The following S100P variants were observed in gnomAD, a reference collection of about 807,000 sequenced individuals.
The protein encoded by S100P is S100 calcium binding protein P, also known as protein S100-P.
S100P carries 7 observed loss-of-function variants against 4.7 expected under a neutral mutation model. The observed-to-expected ratio is 1.48, with a 90% CI of 0.84 to 2.77. The LOEUF is 2.77. Ranked by LOEUF, S100P falls within the 30% of genes most tolerant of loss-of-function variation. The pLI is 0.00. For synonymous variants in S100P, 48 were observed against 49.0 expected (o/e 0.98, Z 0.08); for missense variants, 122 against 120.6 (o/e 1.01, Z -0.06).
chr4:6,695,568 C>T (rs1714353539), intron 1 of S100P, among the ~76,000 whole-genome samples: 1 of 152,198 alleles, frequency 6.6e-6, no homozygotes, highest in African/African-American at 2.4e-5. Context: ...TGATAATGAT[C>T]AAAGTATGAG....
chr4:6,693,999 G>A lies in S100P; in HGVS notation c.67G>A (p.Gly23Ser). The A allele has an allele frequency of 6.2e-7, 1 of 1,614,110 alleles. No homozygotes were observed. Among genetic ancestry groups the A allele is most frequent in the Non-Finnish European group, 8.5e-7 (1 of 1,180,014 alleles). Residue 23 changes from glycine to serine, a missense_variant, in exon 1 of 2, where the codon GGC (glycine) becomes AGC (serine). By Grantham distance (56) the Gly-to-Ser change is moderately conservative. Transcript: ENST00000296370. ...CTTTTCCCGATATTCGGGCAGCGAG[G>A]GCAGCACGCAGACCCTGACCAAGGG... is the stretch of plus-strand genomic sequence containing the variant. ...DVFSRYSGSE[G>S]STQTLTKGEL...
chr4:6,694,262 A>C (rs1714316186), intron 1 of S100P, among the ~76,000 whole-genome samples, 192 bp downstream of exon 1: 1 of 152,204 alleles, frequency 6.6e-6, no homozygotes, highest in Admixed American at 6.5e-5. Context: ...GGGAGGCGGG[A>C]GCATCTGAGC....
chr4:6,696,970 T>G lies in S100P; in HGVS notation c.216T>G (p.Ser72Arg), dbSNP rs1212699921. 5 of 1,613,768 alleles carry G rather than the reference T, an allele frequency of 3.1e-6. No individual in the cohort carries two copies. The highest frequency in any genetic ancestry group is 4.2e-6 in the Non-Finnish European group (5 of 1,179,740). Residue 72 changes from serine (S) to arginine (R), a missense_variant, in exon 2 of 2, where the codon AGT (serine) becomes AGG (arginine). Transcript: ENST00000296370. Reference protein sequence around the residue: ...DANGDAQVDFSEFIVFVAAIT... With the variant: ...DANGDAQVDFREFIVFVAAIT... Reference sequence around the variant, plus strand: ...ATGGAGATGCCCAGGTGGACTTCAGTGAGTTCATAGTGTTCGTGGCTGCAA... The same window carrying G: ...ATGGAGATGCCCAGGTGGACTTCAGGGAGTTCATAGTGTTCGTGGCTGCAA...
At chr4:6,696,591 T>C (rs1714376903) in intron 1 of S100P, among the ~76,000 whole-genome samples, 1 of 152,224 alleles carries the variant, frequency 6.6e-6, no homozygotes, top group Non-Finnish European at 1.5e-5. Context: ...TAAAGCACTT[T>C]ACAAATCCAA....
rs1468679670 is a variant in S100P, at chr4:6,697,041, G to C, written c.287G>C (p.Ter96SerextTer27). 6.2e-7 allele frequency: 1 copy of C among 1,611,514 alleles called. No individual in the cohort carries two copies. The highest frequency in any genetic ancestry group is 1.3e-5 in the African/African-American group (1 of 74,974). Residue 96 changes from the stop codon to serine (S), a stop_lost, in exon 2 of 2, where the codon TGA becomes TCA. Transcript: ENST00000296370. ...TACTTTGAGAAGGCAGGACTCAAAT[G>C]ATGCCCTGGAGATGTCACAGATTCC... Reference protein sequence around the residue: ...HKYFEKAGLK* With the variant: ...HKYFEKAGLKS
At chr4:6,694,206 C>T (rs1714315020) in intron 1 of S100P, 136 bp downstream of exon 1, 1 of 860,372 alleles carries the variant, frequency 1.2e-6, no homozygotes, top group African/African-American at 1.7e-5. Context: ...CCTGAAATGC[C>T]CTGGAAGCCC....
rs1421478331 is a variant in S100P at position 6,697,100 on chromosome 4, G to GT, written c.*61dup. On this transcript the variant is annotated 3_prime_UTR_variant, in exon 2 of 2. Transcript: ENST00000296370. Reference sequence around the variant, plus strand: ...CCATGGTCCCAGGCTTCCCAAAAGTGTTTGTTGGCAATTATTCCCCTAGGC... The same window carrying GT: ...CCATGGTCCCAGGCTTCCCAAAAGTGTTTTGTTGGCAATTATTCCCCTAGGC... The GT allele has an allele frequency of 1.0e-5, 15 of 1,464,048 alleles. No homozygotes were observed. The highest frequency in any genetic ancestry group is 1.3e-5 in the Non-Finnish European group (14 of 1,069,602). The allele number at this position is 1,464,048 out of a possible 1,614,324, so 90.7% of individuals were successfully genotyped here. A position where few individuals can be genotyped will look rare whatever the true frequency, so the allele number is the denominator to read the frequency against.
At chr4:6,695,741 C>G (rs1318751027) in intron 1 of S100P, among the ~76,000 whole-genome samples, 1 of 152,196 alleles carries the variant, frequency 6.6e-6, no homozygotes, top group East Asian at 1.9e-4. Context: ...CTTCTCAGCC[C>G]TCCCTCCGGA....
intron 1 of S100P, among the ~76,000 whole-genome samples, chr4:6,695,430 T>G (rs1714349108): frequency 6.6e-6 from 1 of 152,212 alleles, no homozygotes; most frequent in African/African-American, 2.4e-5. Context: ...AACATTGCTG[T>G]GAGTGAGATT....
chr4:6,695,092 A>G (rs1714339755), intron 1 of S100P, among the ~76,000 whole-genome samples: 1 of 151,454 alleles, frequency 6.6e-6, no homozygotes, highest in Admixed American at 6.6e-5. Flanking sequence ...CAGCCTACCG[A>G]GTAGCTGGGA....
rs768196717 is a variant in S100P, at chr4:6,693,902, C to T, written c.-31C>T. Reference sequence around the variant, plus strand: ...GACATTTTCTCGGCCCTGCCAGCCCCCAGGAGGAAGGTGGGTCTGAATCTA... The same window carrying T: ...GACATTTTCTCGGCCCTGCCAGCCCTCAGGAGGAAGGTGGGTCTGAATCTA... On this transcript the variant is annotated 5_prime_UTR_variant, in exon 1 of 2. Coordinates refer to ENST00000296370, the MANE Select transcript of S100P (RefSeq NM_005980.3). 2.5e-6 allele frequency: 4 copies of T among 1,613,848 alleles called. No individual in the cohort carries two copies. Among genetic ancestry groups the T allele is most frequent in the Non-Finnish European group, 3.4e-6 (4 of 1,179,948 alleles).
intron 1 of S100P, 143 bp downstream of exon 1, chr4:6,694,213 GC>G: frequency 2.4e-6 from 2 of 821,580 alleles, no homozygotes; most frequent in Non-Finnish European, 3.7e-6. Context: ...TGCCCTGGAA[GC>G]CCAGCCAAGG....
In S100P at chr4:6,697,031, G is replaced by A. The variant is rs1441258189; in HGVS notation, c.277G>A (p.Gly93Arg). 6.2e-7 allele frequency: 1 copy of A among 1,612,642 alleles called. No homozygotes were observed. The highest frequency in any genetic ancestry group is 1.6e-4 in the Middle Eastern group (1 of 6,074). ...CTGTCACAAGTACTTTGAGAAGGCA[G>A]GACTCAAATGATGCCCTGGAGATGT... Reference protein sequence around the residue: ...SACHKYFEKAGLK With the variant: ...SACHKYFEKARLK Residue 93 changes from glycine (G) to arginine (R), a missense_variant, in exon 2 of 2, where the codon GGA becomes AGA. Gly to Arg is a moderately radical substitution (Grantham distance 125, BLOSUM62 -2). Transcript: ENST00000296370.
In S100P at chr4:6,694,036, T is replaced by G. The variant is rs773641440; in HGVS notation, c.104T>G (p.Val35Gly). 48 of 1,613,496 alleles carry G rather than the reference T, an allele frequency of 3.0e-5. No homozygotes were observed. The South Asian group carries it at 3.7e-4, about 13-fold the overall frequency. ...TQTLTKGELKVLMEKELPGFL... is the reference protein window; with the variant it reads ...TQTLTKGELKGLMEKELPGFL... ...ACCCTGACCAAGGGGGAGCTCAAGG[T>G]GCTGATGGAGAAGGAGCTACCAGGC... is the stretch of plus-strand genomic sequence containing the variant. Residue 35 changes from valine (V) to glycine (G), a missense_variant, in exon 1 of 2, where the codon GTG (valine) becomes GGG (glycine). Coordinates refer to ENST00000296370, the MANE Select transcript of S100P (RefSeq NM_005980.3).
At chr4:6,694,766 T>C (rs762182828) in intron 1 of S100P, among the ~76,000 whole-genome samples, 7 of 151,874 alleles carry the variant, frequency 4.6e-5, no homozygotes, top group Non-Finnish European at 8.8e-5. Context: ...CTTTGACCCC[T>C]GTCCTCTCCT....
intron 1 of S100P, among the ~76,000 whole-genome samples, chr4:6,695,978 G>C (rs971998012): frequency 6.6e-6 from 1 of 152,242 alleles, no homozygotes; most frequent in Non-Finnish European, 1.5e-5. Flanking sequence ...GTTTGCTATT[G>C]AATTTGTACT....
At chr4:6,695,753 G>A (rs1326297511) in intron 1 of S100P, among the ~76,000 whole-genome samples, 1 of 152,208 alleles carries the variant, frequency 6.6e-6, no homozygotes, top group East Asian at 1.9e-4. Context: ...CCCTCCGGAG[G>A]CTGCTGAAGC....
At position 6,696,925 on chromosome 4, in the gene S100P, G is replaced by C. The variant is rs554095685; in HGVS notation, c.171G>C (p.Leu57Phe). The C allele has an allele frequency of 1.2e-6, 2 of 1,613,934 alleles. No homozygotes were observed. Among genetic ancestry groups the C allele is most frequent in the Non-Finnish European group, 1.7e-6 (2 of 1,179,942 alleles). The change falls in exon 2 of 2, where the codon TTG becomes TTC. Residue 57 changes from leucine to phenylalanine, a missense_variant. Physicochemically the swap from Leu to Phe is conservative, Grantham distance 22. Coordinates refer to ENST00000296370, the MANE Select transcript of S100P (RefSeq NM_005980.3). ...AAGACAAGGATGCCGTGGATAAATT[G>C]CTCAAGGACCTGGACGCCAATGGAG... ...SGKDKDAVDKLLKDLDANGDA... is the reference protein window; with the variant it reads ...SGKDKDAVDKFLKDLDANGDA...
chr4:6,695,575 T>G (rs1015506662), intron 1 of S100P, among the ~76,000 whole-genome samples: 18 of 152,132 alleles, frequency 1.2e-4, no homozygotes, highest in South Asian at 2.1e-4. Flanking sequence ...GATCAAAGTA[T>G]GAGAATTGAA....
Sources: allele counts gnomAD v4.1 joint callset (sites outside exome capture counted in the v4.1 genomes callset), GRCh38; gene constraint gnomAD v4.1.1; transcripts MANE v1.5; gene names NCBI Gene and HGNC (gene_info 2026-07-23, HGNC 2026-07-21).